The following MRAP2 variants were observed in gnomAD, a reference collection of about 807,000 sequenced individuals.
MRAP2 encodes the protein melanocortin-2 receptor accessory protein 2.
In MRAP2, 20 loss-of-function variants were observed where a neutral mutation model predicts 17.4. The ratio of observed to expected loss-of-function variants is 1.15; its 90% confidence interval spans 0.81 to 1.67. MRAP2 has a LOEUF of 1.67. Ranked by LOEUF, MRAP2 falls within the 40% of genes most tolerant of loss-of-function variation. The pLI is 0.00. For synonymous variants in MRAP2, 96 were observed against 88.4 expected (o/e 1.09, Z -0.48); for missense variants, 238 against 240.0 (o/e 0.99, Z 0.05).
chr6:84,121,573 G>A, the MRAP2 span, among the ~76,000 whole-genome samples: 1 of 152,098 alleles, frequency 6.6e-6, no homozygotes, highest in East Asian at 1.9e-4. Flanking sequence ...GAACCCAGGA[G>A]GCGGAGGTTG....
intron 3 of MRAP2, among the ~76,000 whole-genome samples, chr6:84,086,461 T>A (rs1041650631): frequency 6.6e-6 from 1 of 152,256 alleles, no homozygotes; most frequent in Non-Finnish European, 1.5e-5. Context: ...CATCAGGATA[T>A]TTTTTAATAA....
At chr6:84,102,680 GA>G in the MRAP2 span, among the ~76,000 whole-genome samples, 1 of 152,280 alleles carries the variant, frequency 6.6e-6, no homozygotes, top group Admixed American at 6.5e-5. Context: ...AACAGCAATA[GA>G]AAACTAATAT....
rs533282938 is a variant in MRAP2 at position 84,033,796 on chromosome 6, AGGC to A, written c.-78_-76del. 3,938 of 986,416 alleles carry A rather than the reference AGGC, an allele frequency of 4.0e-3. 102 individuals carry two copies. In the African/African-American group the frequency reaches 0.059, roughly 15 times the overall value. The allele number at this position is 986,416 out of a possible 1,614,324, so 61.1% of individuals were successfully genotyped here. On this transcript the variant is annotated 5_prime_UTR_variant, in exon 1 of 4. Coordinates refer to ENST00000257776, the MANE Select transcript of MRAP2 (RefSeq NM_138409.4). ...TACTCGCCCGGCCCTGGGCGGTGGG[AGGC>A]GGCGGCGGCGGCGGCGCTCGCGCAC...
At position 84,066,604 on chromosome 6, in the gene MRAP2, A is replaced by AT. The variant is rs956432608; in HGVS notation, c.227+3620dup. On this transcript the variant is annotated intron_variant, in intron 3 of 3. Transcript: ENST00000257776. Reference sequence around the variant, plus strand: ...TACAACATTGAAAATAATAAGAGCCATTTTTTTTGATTCCAGGGTCAACTA... The same window carrying AT: ...TACAACATTGAAAATAATAAGAGCCATTTTTTTTTGATTCCAGGGTCAACTA... 9.9e-5 allele frequency among the ~76,000 whole-genome samples: 15 copies of AT among 152,068 alleles called. No individual in the cohort carries two copies. The South Asian group carries it at 1.9e-3, about 19-fold the overall frequency.
chr6:84,131,239 T>C, the MRAP2 span, among the ~76,000 whole-genome samples: 954 of 152,328 alleles, frequency 6.3e-3, 4 homozygotes, highest in African/African-American at 0.022. Flanking sequence ...ATGATTTCCA[T>C]TCTTTTGCAT....
chr6:84,078,283 A>G lies in MRAP2; in HGVS notation c.228-10808A>G, dbSNP rs145539630. On this transcript the variant is annotated intron_variant, in intron 3 of 3. Coordinates refer to ENST00000257776, the MANE Select transcript of MRAP2 (RefSeq NM_138409.4). The stretch of plus-strand genomic sequence containing the variant: ...CCGCATATATTATAAAACTTCCACA[A>G]GTCAAGAACAAAAACCAAATAACTC... Among the ~76,000 whole-genome samples, 1,130 of 152,338 alleles carry G rather than the reference A, an allele frequency of 7.4e-3. 12 individuals are homozygous for G. Among genetic ancestry groups the G allele is most frequent in the African/African-American group, 0.026 (1,078 of 41,580 alleles).
intron 3 of MRAP2, among the ~76,000 whole-genome samples, chr6:84,081,697 T>C (rs2099499045): frequency 6.6e-6 from 1 of 152,174 alleles, no homozygotes; most frequent in South Asian, 2.1e-4. Context: ...CACATGCTTG[T>C]AATCCTAGTT....
chr6:84,056,520 CT>C (rs998578001), intron 2 of MRAP2, among the ~76,000 whole-genome samples: 5 of 152,054 alleles, frequency 3.3e-5, no homozygotes, highest in Non-Finnish European at 7.4e-5. Context: ...CTCAGTATTT[CT>C]TTGTGGAAAA....
At chr6:84,095,954 C>T in the MRAP2 span, among the ~76,000 whole-genome samples, 1 of 152,162 alleles carries the variant, frequency 6.6e-6, no homozygotes, top group Admixed American at 6.5e-5. Context: ...CAACTGTATA[C>T]CTAGTGAGAG....
At chr6:84,044,592 C>G (rs73479090) in intron 1 of MRAP2, among the ~76,000 whole-genome samples, 1 of 152,228 alleles carries the variant, frequency 6.6e-6, no homozygotes, top group African/African-American at 2.4e-5. Flanking sequence ...CTTGTTGCCT[C>G]TTCACACAGT....
chr6:84,074,540 T>A (rs1329660045), intron 3 of MRAP2, among the ~76,000 whole-genome samples: 2 of 152,196 alleles, frequency 1.3e-5, no homozygotes, highest in African/African-American at 2.4e-5. Flanking sequence ...CCCTAGGATC[T>A]CATAATTGCT....
the MRAP2 span, among the ~76,000 whole-genome samples, chr6:84,107,990 T>C: frequency 1.3e-5 from 2 of 152,218 alleles, no homozygotes. Context: ...AGCTTTGATT[T>C]GTTGGTACAT....
intron 3 of MRAP2, among the ~76,000 whole-genome samples, chr6:84,087,466 A>G (rs2129176163): frequency 6.6e-6 from 1 of 152,310 alleles, no homozygotes; most frequent in East Asian, 1.9e-4. Flanking sequence ...TGGGGGTTCA[A>G]GATATTTTCC....
At chr6:84,103,607 A>C in the MRAP2 span, among the ~76,000 whole-genome samples, 1 of 152,210 alleles carries the variant, frequency 6.6e-6, no homozygotes, top group Non-Finnish European at 1.5e-5. Context: ...GCCCTTTATA[A>C]ATAATTCAAA....
At chr6:84,126,531 G>A in the MRAP2 span, 1 of 1,473,178 alleles carries the variant, frequency 6.8e-7, no homozygotes, top group African/African-American at 1.4e-5. Context: ...GACATATGAA[G>A]CAAATGAAAA....
chr6:84,132,444 A>C, the MRAP2 span, among the ~76,000 whole-genome samples: 3 of 152,140 alleles, frequency 2.0e-5, no homozygotes. Context: ...GTGTTTTCCA[A>C]CTTGGTTCCA....
At chr6:84,092,089 C>T (rs1001224947), downstream of MRAP2, among the ~76,000 whole-genome samples, 1 of 151,002 alleles carries the variant, frequency 6.6e-6, no homozygotes, top group African/African-American at 2.4e-5. Context: ...CCAGGGGTTG[C>T]TCCCACTCTG....
the MRAP2 span, chr6:84,124,881 T>C: frequency 1.7e-6 from 1 of 591,004 alleles, no homozygotes; most frequent in Non-Finnish European, 2.9e-6. Flanking sequence ...TAATGATTTT[T>C]AGTAAAATAC....
intron 1 of MRAP2, among the ~76,000 whole-genome samples, chr6:84,045,881 T>C (rs1372913205): frequency 1.3e-5 from 2 of 152,242 alleles, no homozygotes; most frequent in Non-Finnish European, 2.9e-5. Context: ...ACTGAGTTTG[T>C]AATACAAGTG....
Sources: allele counts gnomAD v4.1 joint callset (sites outside exome capture counted in the v4.1 genomes callset), GRCh38; gene constraint gnomAD v4.1.1; transcripts MANE v1.5; gene names NCBI Gene and HGNC (gene_info 2026-07-23, HGNC 2026-07-21).